Variants in DACH2 observed in about 807,000 individuals in gnomAD.
DACH2 encodes dachshund homolog 2.
In DACH2, 17 loss-of-function variants were observed where a neutral mutation model predicts 35.8. The ratio of observed to expected loss-of-function variants is 0.48; its 90% CI spans 0.33 to 0.71. The LOEUF is 0.71. DACH2 is among the 30% of genes least tolerant of loss of function. The pLI is 0.02. For missense variants in DACH2, 469 were observed against 472.7 expected (o/e 0.99, Z 0.07); for synonymous variants, 195 against 177.3 (o/e 1.10, Z -0.79).
At chrX:86,285,839 C>T (rs12846108) in intron 1 of DACH2, among the ~76,000 whole-genome samples, 2 of 111,072 alleles carry the variant, frequency 1.8e-5, no homozygotes, top group South Asian at 3.8e-4. Context: ...TTATACATTT[C>T]GGTGCTCCAG....
At chrX:86,699,626 G>A (rs766150526) in intron 5 of DACH2, among the ~76,000 whole-genome samples, 3 of 111,525 alleles carry the variant, frequency 2.7e-5, no homozygotes, top group South Asian at 3.8e-4. Context: ...TTCAATATGC[G>A]ATTTGGATGG....
intron 2 of DACH2, among the ~76,000 whole-genome samples, chrX:86,503,403 C>A (rs760532957): frequency 2.7e-5 from 3 of 112,401 alleles, no homozygotes; most frequent in East Asian, 5.6e-4. Flanking sequence ...GGATTTGAAT[C>A]TAAAGTTAAC....
intron 1 of DACH2, among the ~76,000 whole-genome samples, chrX:86,376,140 T>C (rs756109354): frequency 1.0e-5 from 1 of 98,435 alleles, no homozygotes; most frequent in South Asian, 4.8e-4. Flanking sequence ...TGTATGACTG[T>C]GTGTGTGTGT....
At chrX:86,714,249 A>G (rs2041310148) in intron 5 of DACH2, among the ~76,000 whole-genome samples, 1 of 111,958 alleles carries the variant, frequency 8.9e-6, no homozygotes, top group Admixed American at 9.6e-5. Flanking sequence ...TTGAAATGCA[A>G]TGATGTTTGG....
chrX:86,781,401 T>C (rs1239903471), intron 7 of DACH2, among the ~76,000 whole-genome samples: 2 of 111,777 alleles, frequency 1.8e-5, no homozygotes, highest in Non-Finnish European at 3.8e-5. Context: ...GTATTATGTA[T>C]AGAGTCACTA....
At chrX:86,729,256 C>T (rs2041505595) in intron 6 of DACH2, among the ~76,000 whole-genome samples, 1 of 112,148 alleles carries the variant, frequency 8.9e-6, no homozygotes, top group Admixed American at 9.4e-5. Flanking sequence ...AATGACTGCC[C>T]TGCAGGGTTT....
At chrX:86,427,121 C>A (rs939083537) in intron 2 of DACH2, among the ~76,000 whole-genome samples, 16 of 111,368 alleles carry the variant, frequency 1.4e-4, no homozygotes, top group Non-Finnish European at 2.3e-4. Flanking sequence ...TAATAGCTTA[C>A]AAGAGCAATT....
At position 86,514,395 on chromosome X, in the gene DACH2, A is replaced by G; in HGVS notation, c.640+4A>G. The G allele has an allele frequency of 8.3e-7, 1 of 1,197,836 alleles. No homozygotes were observed. ...CCAGGACTTATCACTCCGACAGGTA[A>G]TAAAATCCATCTGATGATCAGCCAT... On this transcript the variant is annotated splice_donor_region_variant and intron_variant, in intron 3 of 11. Transcript: ENST00000373125.
At chrX:86,487,621 CTT>C (rs1421484283) in intron 2 of DACH2, among the ~76,000 whole-genome samples, 1 of 96,299 alleles carries the variant, frequency 1.0e-5, no homozygotes, top group Non-Finnish European at 2.1e-5. Flanking sequence ...AAATTATAGT[CTT>C]ATATTGCAAA....
chrX:86,816,791 A>G (rs1569485464), intron 11 of DACH2, among the ~76,000 whole-genome samples: 1 of 112,306 alleles, frequency 8.9e-6, no homozygotes, highest in Non-Finnish European at 1.9e-5. Context: ...GTGTGATTCC[A>G]ATGCACTTCT....
At chrX:86,215,500 A>T (rs780033613) in intron 1 of DACH2, among the ~76,000 whole-genome samples, 20 of 112,018 alleles carry the variant, frequency 1.8e-4, no homozygotes, top group African/African-American at 5.8e-4. Context: ...TTCTTTTTGA[A>T]TAGGTAATGT....
chrX:86,293,248 C>T (rs746976287), intron 1 of DACH2, among the ~76,000 whole-genome samples: 4 of 52,153 alleles, frequency 7.7e-5, no homozygotes, highest in African/African-American at 4.6e-4. Context: ...AGGATTGCAA[C>T]CCTGCCTTTT....
chrX:86,460,065 A>G (rs1443750463), intron 2 of DACH2, among the ~76,000 whole-genome samples: 1 of 111,084 alleles, frequency 9.0e-6, no homozygotes, highest in Non-Finnish European at 1.9e-5. Flanking sequence ...AGTTACTTAA[A>G]AATGAAAAAG....
chrX:86,629,147 C>T (rs1308494580), intron 3 of DACH2, among the ~76,000 whole-genome samples: 1 of 111,662 alleles, frequency 9.0e-6, no homozygotes, highest in African/African-American at 3.2e-5. Context: ...AGTTTTCTTG[C>T]GTTCCCAGCA....
chrX:86,815,990 G>A, intron 10 of DACH2, 44 bp from the exon 11 acceptor site: 1 of 1,050,886 alleles, frequency 9.5e-7, no homozygotes, highest in Non-Finnish European at 1.3e-6. Flanking sequence ...ATGGAATCAG[G>A]AACCACCTAA....
chrX:86,818,995 T>C (rs1016482802), intron 11 of DACH2, among the ~76,000 whole-genome samples: 1 of 106,931 alleles, frequency 9.4e-6, no homozygotes, highest in Non-Finnish European at 1.9e-5. Context: ...AGATTTTATA[T>C]ATATTTACTA....
chrX:86,520,230 G>A (rs558587783), intron 3 of DACH2, among the ~76,000 whole-genome samples: 142 of 111,293 alleles, frequency 1.3e-3, no homozygotes, highest in African/African-American at 2.5e-3. Flanking sequence ...CATTTTCATC[G>A]TCTTCACTTC....
At chrX:86,531,193 C>G (rs1224136150) in intron 3 of DACH2, among the ~76,000 whole-genome samples, 1 of 111,842 alleles carries the variant, frequency 8.9e-6, no homozygotes, top group Non-Finnish European at 1.9e-5. Flanking sequence ...AAATTTGCAG[C>G]CTGACCATGA....
In DACH2 at chrX:86,303,728, CTA is replaced by C. The variant is rs35224476; in HGVS notation, c.489-73082_489-73081del. 6.3e-3 allele frequency among the ~76,000 whole-genome samples: 669 copies of C among 105,999 alleles called. 5 individuals are homozygous for C. Among genetic ancestry groups the C allele is most frequent in the African/African-American group, 0.022 (639 of 29,366 alleles). 92.0% of individuals were successfully genotyped at this position (105,999 alleles called of 115,157 possible). On this transcript the variant is annotated intron_variant, in intron 1 of 11. Coordinates refer to ENST00000373125, the MANE Select transcript of DACH2 (RefSeq NM_053281.3). ...ACATATGTATAATTATGTGAACATA[CTA>C]TATATATATATATCTTTCTGTACCC...
Sources: gnomAD v4.1 joint callset for allele counts (sites outside exome capture counted in the v4.1 genomes callset) on GRCh38, gnomAD v4.1.1 for gene constraint, MANE v1.5 for transcripts, NCBI Gene and HGNC (gene_info 2026-07-23, HGNC 2026-07-21) for gene names.